The following CNTNAP5 variants were observed in gnomAD, a reference collection of about 807,000 sequenced individuals.
The protein encoded by CNTNAP5 is contactin-associated protein-like 5.
In CNTNAP5, 72 loss-of-function variants were observed where a neutral mutation model predicts 150.2. The observed-to-expected ratio is 0.48, with a 90% confidence interval of 0.40 to 0.58. The LOEUF (loss-of-function observed/expected upper bound fraction) is 0.58. Ranked by LOEUF, CNTNAP5 falls within the 20% of genes least tolerant of loss-of-function variation. The pLI, the probability that CNTNAP5 is intolerant of heterozygous loss-of-function variation, is 0.00. For synonymous variants in CNTNAP5, 672 were observed against 619.8 expected, an observed-to-expected ratio of 1.08 and a Z score of -1.25; for missense variants, 1,636 against 1,626.2, an observed-to-expected ratio of 1.01 and a Z score of -0.10.
chr2:124,552,867 G>C (rs1052483630), intron 10 of CNTNAP5, among the ~76,000 whole-genome samples: 5 of 152,090 alleles, frequency 3.3e-5, no homozygotes, highest in African/African-American at 1.2e-4. Context: ...ACGTACAGAC[G>C]TACTATTCGT....
At chr2:124,066,904 G>A (rs1404929487) in intron 1 of CNTNAP5, among the ~76,000 whole-genome samples, 1 of 151,990 alleles carries the variant, frequency 6.6e-6, no homozygotes, top group Non-Finnish European at 1.5e-5. Context: ...TGTTTTAAAT[G>A]GCCAAATGGT....
At chr2:124,900,607 A>G (rs1678396505) in intron 21 of CNTNAP5, among the ~76,000 whole-genome samples, 1 of 151,590 alleles carries the variant, frequency 6.6e-6, no homozygotes, top group South Asian at 2.1e-4. Context: ...CAATGTGCCT[A>G]TTCTTACATC....
chr2:124,746,736 A>AT (rs1164568795), intron 13 of CNTNAP5, among the ~76,000 whole-genome samples: 1 of 152,082 alleles, frequency 6.6e-6, no homozygotes, highest in Non-Finnish European at 1.5e-5. Flanking sequence ...TAGTGCTCTC[A>AT]TTTTCTCTTT....
chr2:124,195,052 A>AG (rs1685551833), intron 1 of CNTNAP5, among the ~76,000 whole-genome samples: 1 of 151,926 alleles, frequency 6.6e-6, no homozygotes, highest in African/African-American at 2.4e-5. Flanking sequence ...TAAATAAAAA[A>AG]AAAACTCAAA....
At chr2:124,467,937 T>C (rs1032379810) in intron 6 of CNTNAP5, among the ~76,000 whole-genome samples, 4 of 152,126 alleles carry the variant, frequency 2.6e-5, no homozygotes, top group African/African-American at 9.7e-5. Context: ...TAGTACATTA[T>C]TGGGTATATA....
Position 124,797,189 on chromosome 2 carries a change from G to T in CNTNAP5, c.2993-907G>T, listed in dbSNP as rs563398990. On this transcript the variant is annotated intron_variant, in intron 18 of 23. Transcript: ENST00000682447. ...CTCCACAAAGTTCATTATCTTGCCT[G>T]GGACCACATGGCCGGCATGAAACCA... 2.0e-5 allele frequency among the ~76,000 whole-genome samples: 3 copies of T among 152,228 alleles called. No individual in the cohort carries two copies. In the South Asian group the frequency reaches 6.2e-4, roughly 32 times the overall value.
At position 124,899,910 on chromosome 2, in the gene CNTNAP5, T is replaced by G. The variant is rs367596493; in HGVS notation, c.3437-2972T>G. Among the ~76,000 whole-genome samples the G allele has an allele frequency of 2.6e-4, 40 of 151,636 alleles. 1 individual carries two copies. In the South Asian group the frequency reaches 3.3e-3, roughly 13 times the overall value. On this transcript the variant is annotated intron_variant, in intron 21 of 23. Coordinates refer to ENST00000682447, the MANE Select transcript of CNTNAP5 (RefSeq NM_001367498.1). ...CACTTAACCAAAATAACTTGTGCTT[T>G]CCTTAGTTTTTGCAACCCATTTTTT...
chr2:124,718,462 G>A (rs916126778), intron 13 of CNTNAP5, among the ~76,000 whole-genome samples: 14 of 151,948 alleles, frequency 9.2e-5, no homozygotes, highest in Non-Finnish European at 1.8e-4. Flanking sequence ...TAAGTGTTTC[G>A]TGTTGTGTCA....
intron 3 of CNTNAP5, among the ~76,000 whole-genome samples, chr2:124,276,173 A>G (rs1687879785): frequency 6.6e-6 from 1 of 152,192 alleles, no homozygotes; most frequent in Admixed American, 6.6e-5. Context: ...CTTAAATAAG[A>G]TTTTCCCCAT....
intron 3 of CNTNAP5, among the ~76,000 whole-genome samples, chr2:124,408,505 C>G (rs1691655099): frequency 6.6e-6 from 1 of 152,048 alleles, no homozygotes; most frequent in Admixed American, 6.5e-5. Flanking sequence ...TTGAAGAGAG[C>G]AGTGGTTCTC....
intron 3 of CNTNAP5, among the ~76,000 whole-genome samples, chr2:124,387,837 G>T (rs1690969592): frequency 2.0e-5 from 3 of 152,162 alleles, no homozygotes; most frequent in Admixed American, 2.0e-4. Context: ...CAAGTAGAAT[G>T]AGGACCAATT....
chr2:124,172,000 C>A (rs1171105917), intron 1 of CNTNAP5, among the ~76,000 whole-genome samples: 1 of 152,198 alleles, frequency 6.6e-6, no homozygotes, highest in Non-Finnish European at 1.5e-5. Flanking sequence ...TTTAACATTT[C>A]TATTTACTTT....
intron 1 of CNTNAP5, among the ~76,000 whole-genome samples, chr2:124,097,267 T>A (rs1682958571): frequency 1.3e-5 from 2 of 152,182 alleles, no homozygotes; most frequent in Admixed American, 1.3e-4. Flanking sequence ...TTGGATGGGA[T>A]CCTGACACAG....
rs571548431 is a variant in CNTNAP5, at chr2:124,426,785, C to T, written c.530-7699C>T. ...CCAGCATATGCCTCCAGAACTCTGT[C>T]TTTCTCAGAAAACAAGCTGTGGCAG... On this transcript the variant is annotated intron_variant, in intron 4 of 23. Transcript: ENST00000682447. Among the ~76,000 whole-genome samples, 9 of 152,310 alleles carry T rather than the reference C, an allele frequency of 5.9e-5. No individual in the cohort carries two copies. The South Asian group carries it at 1.7e-3, about 28-fold the overall frequency.
intron 15 of CNTNAP5, 22 bp from the exon 16 acceptor site, chr2:124,763,955 T>G (rs776120925): frequency 6.2e-7 from 1 of 1,607,350 alleles, no homozygotes; most frequent in South Asian, 1.1e-5. Context: ...TAAACCATGT[T>G]GAAGGATTTT....
intron 1 of CNTNAP5, among the ~76,000 whole-genome samples, chr2:124,064,562 T>A (rs1206018856): frequency 6.6e-6 from 1 of 152,152 alleles, no homozygotes; most frequent in Non-Finnish European, 1.5e-5. Flanking sequence ...TTCACTCCTC[T>A]ATTTTATTCT....
At chr2:124,240,060 C>A (rs1048375296) in intron 2 of CNTNAP5, among the ~76,000 whole-genome samples, 11 of 152,062 alleles carry the variant, frequency 7.2e-5, no homozygotes, top group Non-Finnish European at 1.6e-4. Flanking sequence ...TGTTTTAATC[C>A]TGGGTGCCAA....
intron 3 of CNTNAP5, among the ~76,000 whole-genome samples, chr2:124,249,841 AT>A (rs1443946009): frequency 6.6e-6 from 1 of 152,162 alleles, no homozygotes; most frequent in Non-Finnish European, 1.5e-5. Flanking sequence ...CCAGCAAAGT[AT>A]TCGGATTTTT....
At chr2:124,288,388 A>C (rs973161831) in intron 3 of CNTNAP5, among the ~76,000 whole-genome samples, 1 of 152,224 alleles carries the variant, frequency 6.6e-6, no homozygotes, top group African/African-American at 2.4e-5. Context: ...ATTTTTATTG[A>C]AAACTCTATA....
Sources: allele counts gnomAD v4.1 joint callset (sites outside exome capture counted in the v4.1 genomes callset), GRCh38; gene constraint gnomAD v4.1.1; transcripts MANE v1.5; gene names NCBI Gene and HGNC (gene_info 2026-07-23, HGNC 2026-07-21).